Variants in ACBD4 observed in about 807,000 individuals in gnomAD.
ACBD4 encodes acyl-CoA-binding domain-containing protein 4.
Under a neutral mutation model 46.0 loss-of-function variants are expected in ACBD4, and 41 were observed. The ratio of observed to expected loss-of-function variants is 0.89; its 90% CI spans 0.69 to 1.16. The LOEUF is 1.16. ACBD4 is among the 50% of genes most tolerant of loss of function. The pLI is 0.00. For synonymous variants in ACBD4, 162 were observed against 155.9 expected, an observed-to-expected ratio of 1.04 and a Z score of -0.29; for missense variants, 393 against 399.5, an observed-to-expected ratio of 0.98 and a Z score of 0.14.
At position 45,137,398 on chromosome 17, in the gene ACBD4, T is replaced by C. The variant is rs768955668; in HGVS notation, c.446T>C (p.Val149Ala). The C allele has an allele frequency of 6.2e-6, 10 of 1,613,898 alleles. No homozygotes were observed. Among genetic ancestry groups the C allele is most frequent in the South Asian group, 2.2e-5 (2 of 91,078 alleles). ...GWKEQVVNGD[V>A]GAVSEPPCLP... is the part of the protein sequence containing the mutation. ...AAAGAGCAGGTTGTGAATGGAGATG[T>C]TGGGGCTGTTTCAGAGCCTCCCTGC... Residue 149 changes from valine to alanine, a missense_variant, in exon 6 of 10, where the codon GTT becomes GCT. Transcript: ENST00000321854.
rs547212490 is a variant in ACBD4 at position 45,141,999 on chromosome 17, G to A, written c.790-1444G>A. ...ATCTACTAGCTATCAGCTATCATTT[G>A]TATACTCTTTCCTTCATCATCTTGG... On this transcript the variant is annotated intron_variant, in intron 9 of 9. Transcript: ENST00000321854. Among the ~76,000 whole-genome samples the A allele has an allele frequency of 1.4e-4, 21 of 151,258 alleles. 1 individual carries two copies. The South Asian group carries it at 4.0e-3, about 29-fold the overall frequency.
rs1398023243 is a variant in ACBD4, at chr17:45,143,748, C to A, written c.*177C>A. On this transcript the variant is annotated 3_prime_UTR_variant, in exon 10 of 10. Transcript: ENST00000321854. ...GACCCCACCCCTCCCTGCAGCTTCA[C>A]AGGGACGCTTCCTTCCCTCCCCGCA... 7 of 1,076,952 alleles carry A rather than the reference C, an allele frequency of 6.5e-6. No homozygotes were observed. The highest frequency in any genetic ancestry group is 9.3e-6 in the Non-Finnish European group (7 of 755,036). 66.7% of individuals were successfully genotyped at this position (1,076,952 alleles called of 1,614,324 possible). A position where few individuals can be genotyped will look rare whatever the true frequency, so the allele number is the denominator to read the frequency against.
chr17:45,135,113 G>C (rs2054726138), upstream of ACBD4, among the ~76,000 whole-genome samples: 1 of 151,854 alleles, frequency 6.6e-6, no homozygotes, highest in South Asian at 2.1e-4. Flanking sequence ...TTACAGGCGC[G>C]CGCCACCACG....
At chr17:45,131,675 C>G (rs921034589), upstream of ACBD4, among the ~76,000 whole-genome samples, 4 of 152,252 alleles carry the variant, frequency 2.6e-5, no homozygotes, top group African/African-American at 9.6e-5. Flanking sequence ...CAATGAGCCA[C>G]AGTTACATTC....
rs376184168 is a variant in ACBD4 at position 45,139,209 on chromosome 17, T to C, written c.789+49T>C. ...CAAGATGATGGCAGAATCCGGTCTTTATTCTGGGCTCCTCTTCCAGCCACT... is the reference window on the plus strand; with the variant it reads ...CAAGATGATGGCAGAATCCGGTCTTCATTCTGGGCTCCTCTTCCAGCCACT... On this transcript the variant is annotated intron_variant, in intron 9 of 9. Coordinates refer to ENST00000321854, the MANE Select transcript of ACBD4 (RefSeq NM_001135705.3). 23 of 1,599,834 alleles carry C rather than the reference T, an allele frequency of 1.4e-5. No homozygotes were observed. The African/African-American group carries it at 2.9e-4, about 21-fold the overall frequency.
intron 9 of ACBD4, among the ~76,000 whole-genome samples, chr17:45,141,954 A>G (rs1306927453): frequency 6.6e-6 from 1 of 152,150 alleles, no homozygotes; most frequent in Non-Finnish European, 1.5e-5. Flanking sequence ...CTGACTTTTA[A>G]ATGCTATGAT....
intron 8 of ACBD4, 89 bp from the exon 9 acceptor site, chr17:45,138,932 C>A: frequency 6.9e-7 from 1 of 1,452,070 alleles, no homozygotes; most frequent in Non-Finnish European, 9.4e-7. Context: ...CACTCCTACA[C>A]TTTCCTGGGC....
intron 2 of ACBD4, 44 bp downstream of exon 2, chr17:45,136,276 C>T (rs374150924): frequency 6.2e-7 from 1 of 1,604,982 alleles, no homozygotes; most frequent in Non-Finnish European, 8.5e-7. Flanking sequence ...TTCAGGACGC[C>T]TGGGGTCTGA....
At chr17:45,133,881 C>T (rs1023187694), upstream of ACBD4, among the ~76,000 whole-genome samples, 1 of 152,148 alleles carries the variant, frequency 6.6e-6, no homozygotes, top group East Asian at 1.9e-4. Context: ...TTGATCCTGC[C>T]GTTCCTTCCT....
chr17:45,138,407 A>C, intron 8 of ACBD4: 1 of 219,722 alleles, frequency 4.6e-6, no homozygotes, highest in Admixed American at 5.1e-5. Context: ...CATTTTGAAA[A>C]GTTTCTCCTT....
intron 8 of ACBD4, 51 bp downstream of exon 8, chr17:45,138,039 G>A (rs747926773): frequency 6.5e-6 from 10 of 1,544,886 alleles, no homozygotes; most frequent in Non-Finnish European, 8.8e-6. Context: ...CCGTGGTCCT[G>A]GCACCCCAGG....
At position 45,138,114 on chromosome 17, in the gene ACBD4, C is replaced by T. The variant is rs2054991420; in HGVS notation, c.649+126C>T. On this transcript the variant is annotated intron_variant, in intron 8 of 9. Transcript: ENST00000321854. ...CATTGCTGGGCACTGAGCGAGAAGC[C>T]TCTGTCCAGGAAGGGCTGCCAACCA... 1.0e-5 allele frequency: 11 copies of T among 1,057,534 alleles called. No individual in the cohort carries two copies. The South Asian group carries it at 1.1e-4, about 10-fold the overall frequency. The allele number at this position is 1,057,534 out of a possible 1,614,324, so 65.5% of individuals were successfully genotyped here.
chr17:45,140,385 G>A (rs1192515721), intron 9 of ACBD4, among the ~76,000 whole-genome samples: 1 of 150,362 alleles, frequency 6.7e-6, no homozygotes, highest in Non-Finnish European at 1.5e-5. Context: ...GTTTCACCAC[G>A]GTCCCCAGGA....
chr17:45,140,141 C>G (rs1186309544), intron 9 of ACBD4, among the ~76,000 whole-genome samples: 1 of 151,840 alleles, frequency 6.6e-6, no homozygotes, highest in Non-Finnish European at 1.5e-5. Flanking sequence ...GCTCCTCCCC[C>G]TCAACAGGGC....
chr17:45,134,342 T>G (rs1189569310), upstream of ACBD4, among the ~76,000 whole-genome samples: 1 of 152,164 alleles, frequency 6.6e-6, no homozygotes, highest in African/African-American at 2.4e-5. Context: ...CCGGATGCGG[T>G]GGCTCACGCC....
At chr17:45,133,919 G>GT (rs990843107), upstream of ACBD4, among the ~76,000 whole-genome samples, 1 of 151,970 alleles carries the variant, frequency 6.6e-6, no homozygotes, top group African/African-American at 2.4e-5. Flanking sequence ...TATTCTCCTG[G>GT]TTTACCCTTT....
chr17:45,139,254 C>A, intron 9 of ACBD4, 94 bp downstream of exon 9: 1 of 1,265,906 alleles, frequency 7.9e-7, no homozygotes, highest in Non-Finnish European at 1.1e-6. Context: ...GTCCTCACGC[C>A]TCCACCTGCC....
Position 45,143,439 on chromosome 17 carries a change from G to A in ACBD4, c.790-4G>A, listed in dbSNP as rs1281727615. On this transcript the variant is annotated splice_region_variant and splice_polypyrimidine_tract_variant and intron_variant, in intron 9 of 9. Coordinates refer to ENST00000321854, the MANE Select transcript of ACBD4 (RefSeq NM_001135705.3). Reference sequence around the variant, plus strand: ...GCCTCTGACTCCCTCCCTCTTGGCTGCAGAGGCCGCAGCCCAGGCCCAGTG... The same window carrying A: ...GCCTCTGACTCCCTCCCTCTTGGCTACAGAGGCCGCAGCCCAGGCCCAGTG... 2.5e-6 allele frequency: 4 copies of A among 1,603,578 alleles called. No individual in the cohort carries two copies. Among genetic ancestry groups the A allele is most frequent in the South Asian group, 2.2e-5 (2 of 90,500 alleles).
upstream of ACBD4, among the ~76,000 whole-genome samples, chr17:45,133,548 T>C (rs1639328386): frequency 1.4e-5 from 1 of 71,922 alleles, no homozygotes; most frequent in South Asian, 4.7e-4. Context: ...TTTTTTTTTT[T>C]TGAGACGGAG....
Sources: gnomAD v4.1 joint callset for allele counts (sites outside exome capture counted in the v4.1 genomes callset) on GRCh38, gnomAD v4.1.1 for gene constraint, MANE v1.5 for transcripts, NCBI Gene and HGNC (gene_info 2026-07-23, HGNC 2026-07-21) for gene names.